UBASH3B: variants seen among roughly 807,000 people sequenced by gnomAD.
UBASH3B encodes ubiquitin associated and SH3 domain containing B.
A neutral mutation model predicts 83.4 loss-of-function variants in UBASH3B; 37 were observed. The ratio of observed to expected loss-of-function variants is 0.44; its 90% CI spans 0.34 to 0.58. The LOEUF (loss-of-function observed/expected upper bound fraction) is 0.58, where lower values mean the gene tolerates loss of function less well. Among genes scored for constraint, UBASH3B ranks in the 20% least tolerant of loss-of-function variants. UBASH3B has a pLI of 0.01. For missense variants in UBASH3B, 657 were observed against 827.2 expected (o/e 0.79, Z 2.52); for synonymous variants, 304 against 318.3 (o/e 0.96, Z 0.48).
intron 1 of UBASH3B, among the ~76,000 whole-genome samples, chr11:122,661,874 C>CA (rs1384176688): frequency 5.4e-4 from 63 of 116,126 alleles, no homozygotes; most frequent in South Asian, 1.9e-3. Flanking sequence ...AAAAAAAAAA[C>CA]AAAAAAAAAA....
rs1219206236 is a variant in UBASH3B, at chr11:122,798,926, G to T, written c.1358-16G>T. ...GTAAATCCATCAGACTGATTTTTTT[G>T]TGGTTTTCTTTGCAGGTGAAGCCTT... On this transcript the variant is annotated splice_polypyrimidine_tract_variant and intron_variant, in intron 9 of 13. Coordinates refer to ENST00000284273, the MANE Select transcript of UBASH3B (RefSeq NM_032873.5). 6.2e-7 allele frequency: 1 copy of T among 1,610,772 alleles called. No individual in the cohort carries two copies. The highest frequency in any genetic ancestry group is 1.1e-5 in the South Asian group (1 of 90,806).
chr11:122,670,897 A>G (rs1863585446), intron 1 of UBASH3B, among the ~76,000 whole-genome samples: 1 of 151,804 alleles, frequency 6.6e-6, no homozygotes, highest in Non-Finnish European at 1.5e-5. Context: ...CGAGTAGCTG[A>G]GATTACAGAC....
In UBASH3B at chr11:122,758,076, AG is replaced by A. The variant is rs1861311361; in HGVS notation, c.162-18140del. On this transcript the variant is annotated intron_variant, in intron 1 of 13. Transcript: ENST00000284273. The surrounding 1 kb of genome is among the most constrained non-coding windows in gnomAD (Gnocchi z 4.2). ...CTTCCTGGGGGCCCTTCGTCTGGCA[AG>A]GGCTTAGGTGTCTTTACCAAGTGCC... is the stretch of plus-strand genomic sequence containing the variant. 6.6e-6 allele frequency among the ~76,000 whole-genome samples: 1 copy of A among 152,092 alleles called. No homozygotes were observed. Among genetic ancestry groups the A allele is most frequent in the South Asian group, 2.1e-4 (1 of 4,820 alleles).
chr11:122,753,489 T>TTTTC (rs1186066298), intron 1 of UBASH3B, among the ~76,000 whole-genome samples: 3 of 124,940 alleles, frequency 2.4e-5, no homozygotes, highest in Non-Finnish European at 4.8e-5. Flanking sequence ...TCTTTATCTT[T>TTTTC]TTTCTTTCTT....
intron 1 of UBASH3B, among the ~76,000 whole-genome samples, chr11:122,663,481 A>C (rs1182075362): frequency 6.6e-6 from 1 of 152,100 alleles, no homozygotes; most frequent in African/African-American, 2.4e-5. Flanking sequence ...CCTGCTCCCC[A>C]CCCTCAGCTG....
Position 122,809,873 on chromosome 11 carries a change from T to G in UBASH3B, c.1937T>G (p.Leu646Trp). The stretch of plus-strand genomic sequence containing the variant: ...GGGGGCTTCAACTGGAGAGAGACCT[T>G]GCTTCAAGAATAAACCACACCAGTG... ...PTGGFNWRET[L>W]LQE is the part of the protein sequence containing the mutation. The change falls in exon 14 of 14, where the codon TTG becomes TGG. Residue 646 changes from leucine to tryptophan, a missense_variant. This residue lies in a region of UBASH3B where 573 missense variants were observed against 739.0 expected (regional missense o/e 0.78). Transcript: ENST00000284273. The G allele has an allele frequency of 6.2e-7, 1 of 1,614,108 alleles. No homozygotes were observed.
chr11:122,789,228 C>T lies in UBASH3B; in HGVS notation c.900C>T (p.Ser300=), dbSNP rs759161064. The T allele has an allele frequency of 2.5e-6, 4 of 1,614,194 alleles. No individual in the cohort carries two copies. Among genetic ancestry groups the T allele is most frequent in the Non-Finnish European group, 2.5e-6 (3 of 1,180,044 alleles). The part of the protein sequence containing the change: ...STSEGWIYGT[S]LTTGCSGLLP... ...GCGAGGGTTGGATCTATGGCACGTCCTTAACCACCGGCTGCTCTGGACTCC... is the reference window on the plus strand; with the variant it reads ...GCGAGGGTTGGATCTATGGCACGTCTTTAACCACCGGCTGCTCTGGACTCC... The change falls in exon 6 of 14, where the codon TCC becomes TCT. Residue 300 remains serine, a synonymous_variant. Transcript: ENST00000284273.
At chr11:122,762,758 C>A (rs1421553906) in intron 1 of UBASH3B, among the ~76,000 whole-genome samples, 1 of 152,186 alleles carries the variant, frequency 6.6e-6, no homozygotes, top group Non-Finnish European at 1.5e-5. Flanking sequence ...CCCATACATT[C>A]CTTAAGACCT....
intron 9 of UBASH3B, among the ~76,000 whole-genome samples, chr11:122,798,207 G>A (rs1410374505): frequency 1.3e-5 from 2 of 152,092 alleles, no homozygotes; most frequent in African/African-American, 2.4e-5. Flanking sequence ...TATGAGGATA[G>A]CATTAAAGTA....
chr11:122,681,567 G>T (rs1863739852), intron 1 of UBASH3B, among the ~76,000 whole-genome samples: 1 of 152,174 alleles, frequency 6.6e-6, no homozygotes, highest in African/African-American at 2.4e-5. Context: ...CGAGTCCTGG[G>T]AAGTAGGGAC....
chr11:122,793,840 G>T (rs1300627461), intron 6 of UBASH3B, among the ~76,000 whole-genome samples: 1 of 152,184 alleles, frequency 6.6e-6, no homozygotes, highest in Non-Finnish European at 1.5e-5. Flanking sequence ...CTTGTTGGAG[G>T]CGTGATTGAG....
intron 1 of UBASH3B, among the ~76,000 whole-genome samples, chr11:122,670,865 C>T (rs2135899379): frequency 6.6e-6 from 1 of 152,004 alleles, no homozygotes; most frequent in African/African-American, 2.4e-5. Flanking sequence ...TAGGTTCAAG[C>T]GATTCTCCTT....
chr11:122,763,334 T>C (rs1394141822), intron 1 of UBASH3B, among the ~76,000 whole-genome samples: 5 of 152,172 alleles, frequency 3.3e-5, no homozygotes, highest in African/African-American at 1.2e-4. Flanking sequence ...CAAGGCCTCC[T>C]ATATGGGCTG....
chr11:122,701,390 A>G (rs553528707), intron 1 of UBASH3B, among the ~76,000 whole-genome samples: 186 of 152,340 alleles, frequency 1.2e-3, no homozygotes, highest in Non-Finnish European at 2.4e-3. Flanking sequence ...TGGAAATAAT[A>G]AAATGAACTC....
intron 1 of UBASH3B, among the ~76,000 whole-genome samples, chr11:122,678,856 G>A (rs1204463015): frequency 2.6e-5 from 4 of 152,198 alleles, no homozygotes; most frequent in East Asian, 1.9e-4. Context: ...TAGTCCCAGC[G>A]TTTCGCCTGA....
chr11:122,805,096 A>C (rs149947205), intron 11 of UBASH3B, among the ~76,000 whole-genome samples: 1 of 152,228 alleles, frequency 6.6e-6, no homozygotes. Context: ...TACAAAAGAA[A>C]GAGGTTTAAC....
chr11:122,697,496 A>C (rs1863978450), intron 1 of UBASH3B, among the ~76,000 whole-genome samples: 1 of 152,176 alleles, frequency 6.6e-6, no homozygotes, highest in African/African-American at 2.4e-5. Context: ...TTATACCCAC[A>C]ACTTCAGATT....
At position 122,814,038 on chromosome 11, in the gene UBASH3B, A is replaced by G. The variant is rs1463368935; in HGVS notation, c.*4152A>G. The stretch of plus-strand genomic sequence containing the variant: ...AGCTGCCATTACACAACAAATTGGA[A>G]TTTTCCAGCTGTTCAACTATCATGG... On this transcript the variant is annotated 3_prime_UTR_variant, in exon 14 of 14. Transcript: ENST00000284273. The G allele has an allele frequency of 1.3e-5, 2 of 152,608 alleles. No individual in the cohort carries two copies. Among genetic ancestry groups the G allele is most frequent in the Non-Finnish European group, 2.9e-5 (2 of 68,034 alleles). The allele number at this position is 152,608 out of a possible 1,614,324, so 9.5% of individuals were successfully genotyped here.
intron 1 of UBASH3B, among the ~76,000 whole-genome samples, chr11:122,762,068 A>C (rs1282581655): frequency 6.6e-6 from 1 of 152,022 alleles, no homozygotes; most frequent in Non-Finnish European, 1.5e-5. Flanking sequence ...TTGGGATTAC[A>C]GGCGTGAGCC....
Sources: gnomAD v4.1 joint callset for allele counts (sites outside exome capture counted in the v4.1 genomes callset) on GRCh38, gnomAD v4.1.1 for gene constraint, gnomAD v4.1.1 regional missense constraint, Gnocchi (gnomAD v3.1) non-coding constraint, MANE v1.5 for transcripts, NCBI Gene and HGNC (gene_info 2026-07-23, HGNC 2026-07-21) for gene names.